Variants in TGM4 observed in about 807,000 individuals in gnomAD.
The protein encoded by TGM4 is transglutaminase 4.
In TGM4, 61 loss-of-function variants were observed where a neutral mutation model predicts 76.3. The observed-to-expected ratio is 0.80, with a 90% CI of 0.65 to 0.99. TGM4 has a LOEUF of 0.99. Among genes scored for constraint, TGM4 ranks in the 50% least tolerant of loss-of-function variants. The pLI, the probability that TGM4 is intolerant of heterozygous loss-of-function variation, is 0.00. For synonymous variants in TGM4, 337 were observed against 329.8 expected (o/e 1.02, Z -0.24); for missense variants, 794 against 843.2 (o/e 0.94, Z 0.72).
At chr3:44,899,193 G>C (rs1699820133) in intron 6 of TGM4, 1 of 152,236 alleles carries the variant, frequency 6.6e-6, no homozygotes, top group African/African-American at 2.4e-5. Flanking sequence ...TATGCGTGGT[G>C]GGGTTTGGGA....
intron 8 of TGM4, among the ~76,000 whole-genome samples, chr3:44,903,216 G>C (rs1699877672): frequency 1.3e-5 from 2 of 152,184 alleles, no homozygotes; most frequent in Non-Finnish European, 2.9e-5. Flanking sequence ...AGGGCCAACT[G>C]TAGGACTTGA....
At chr3:44,890,767 G>A (rs1368559416) in intron 4 of TGM4, 35 bp downstream of exon 4, 8 of 1,610,848 alleles carry the variant, frequency 5.0e-6, no homozygotes, top group Non-Finnish European at 6.8e-6. Context: ...GGGAATGGCA[G>A]GTGACCCCGG....
intron 1 of TGM4, among the ~76,000 whole-genome samples, chr3:44,884,964 T>C (rs968936479): frequency 2.0e-5 from 3 of 152,092 alleles, no homozygotes; most frequent in Non-Finnish European, 4.4e-5. Context: ...GAGGGGGAGT[T>C]GGGGTGGGAA....
In TGM4 at chr3:44,893,617, G is replaced by A. The variant is rs34772357; in HGVS notation, c.471G>A (p.Glu157=). 0.011 allele frequency: 17,504 copies of A among 1,613,792 alleles called. 189 individuals carry two copies. Among genetic ancestry groups the A allele is most frequent in the African/African-American group, 0.049 (3,651 of 74,972 alleles). ...VFMPDEDERK[E]YILNDTGCHY... is the part of the protein sequence containing the mutation. ...TGCCTGATGAGGACGAGCGCAAAGA[G>A]TACATCCTCAATGACACGGGCTGCC... Residue 157 remains glutamate, a synonymous_variant, in exon 5 of 14, where the codon GAG becomes GAA. Coordinates refer to ENST00000296125, the MANE Select transcript of TGM4 (RefSeq NM_003241.4).
chr3:44,892,351 CT>C (rs1014242756), intron 4 of TGM4, among the ~76,000 whole-genome samples: 40 of 144,480 alleles, frequency 2.8e-4, no homozygotes, highest in Admixed American at 1.3e-3. Context: ...AGTTTGGTCA[CT>C]TTTTTTTTAA....
chr3:44,884,678 A>G (rs978447593), intron 1 of TGM4, among the ~76,000 whole-genome samples: 5 of 152,140 alleles, frequency 3.3e-5, no homozygotes, highest in Non-Finnish European at 7.4e-5. Context: ...GCCTCAGATC[A>G]TGGGAGCTCC....
chr3:44,908,413 GT>G (rs138110500), intron 10 of TGM4, among the ~76,000 whole-genome samples: 1 of 149,862 alleles, frequency 6.7e-6, no homozygotes, highest in Admixed American at 6.6e-5. Context: ...TTTGTTTTTT[GT>G]TTTTTTTGCA....
intron 5 of TGM4, 32 bp downstream of exon 5, chr3:44,893,727 G>A (rs1699735945): frequency 6.3e-7 from 1 of 1,581,276 alleles, no homozygotes; most frequent in Non-Finnish European, 8.7e-7. Flanking sequence ...GCTGCACCAG[G>A]CCCCATCTGC....
Position 44,907,026 on chromosome 3 carries a change from G to A in TGM4, c.1153G>A (p.Val385Ile), listed in dbSNP as rs117597124. 1.1e-3 allele frequency: 1,724 copies of A among 1,614,162 alleles called. 53 individuals are homozygous for A. In the East Asian group the frequency reaches 0.035, roughly 33 times the overall value. ...CTTTATTGTCTATGACACCAGATTCGTCTTCTCAGAAGTGAATGGTGACAG... is the reference window on the plus strand; with the variant it reads ...CTTTATTGTCTATGACACCAGATTCATCTTCTCAGAAGTGAATGGTGACAG... The part of the protein sequence containing the change: ...DIFIVYDTRF[V>I]FSEVNGDRLI... Residue 385 changes from valine (V) to isoleucine (I), a missense_variant, in exon 10 of 14, where the codon GTC becomes ATC. Physicochemically the swap from Val to Ile is conservative, Grantham distance 29 (BLOSUM62 3). Coordinates refer to ENST00000296125, the MANE Select transcript of TGM4 (RefSeq NM_003241.4).
At chr3:44,890,278 C>A (rs1699671189) in intron 3 of TGM4, 1 of 229,044 alleles carries the variant, frequency 4.4e-6, no homozygotes, top group South Asian at 1.1e-4. Flanking sequence ...ATCTTCCCAA[C>A]AACCTGGAGA....
chr3:44,911,088 A>G lies in TGM4; in HGVS notation c.1737A>G (p.Glu579=), dbSNP rs1275722101. ...IVESKEIMAS[E]VFTSFQYPEF... is the part of the protein sequence containing the mutation. ...AGTCTAAGGAAATCATGGCCTCTGA[A>G]GTATTCACGTCTTTCCAGTACCCTG... The change falls in exon 12 of 14, where the codon GAA becomes GAG. Residue 579 remains glutamate (E), a synonymous_variant. Coordinates refer to ENST00000296125, the MANE Select transcript of TGM4 (RefSeq NM_003241.4). The G allele has an allele frequency of 9.9e-6, 16 of 1,614,084 alleles. No individual in the cohort carries two copies. In the African/African-American group the frequency reaches 1.9e-4, roughly 19 times the overall value.
At chr3:44,885,252 G>C in intron 1 of TGM4, 73 bp from the exon 2 acceptor site, 3 of 1,468,772 alleles carry the variant, frequency 2.0e-6, no homozygotes, top group African/African-American at 1.4e-5. Context: ...CTCAGATTTT[G>C]AACCCAGAAA....
rs1173122951 is a variant in TGM4, at chr3:44,911,752, G to C, written c.1913+346G>C. On this transcript the variant is annotated intron_variant, in intron 13 of 13. Transcript: ENST00000296125. ...CTGAGTCATTTATTTTTTCATATTG[G>C]TATGGTGTCTTTACACAGTAGAGTG... Among the ~76,000 whole-genome samples the C allele has an allele frequency of 1.1e-4, 16 of 152,084 alleles. No homozygotes were observed. The East Asian group carries it at 3.1e-3, about 29-fold the overall frequency.
intron 2 of TGM4, among the ~76,000 whole-genome samples, chr3:44,887,166 A>C (rs1699619125): frequency 6.6e-6 from 1 of 152,218 alleles, no homozygotes; most frequent in African/African-American, 2.4e-5. Flanking sequence ...ACTGAGGGCC[A>C]CCTGTGGGCT....
intron 9 of TGM4, among the ~76,000 whole-genome samples, chr3:44,904,802 C>T (rs539035979): frequency 3.3e-5 from 5 of 151,856 alleles, no homozygotes; most frequent in South Asian, 4.2e-4. Flanking sequence ...CTGTCTCAGT[C>T]TCCTGAGTAG....
intron 3 of TGM4, among the ~76,000 whole-genome samples, chr3:44,890,019 T>C (rs1575715992): frequency 2.0e-5 from 3 of 152,196 alleles, no homozygotes; most frequent in African/African-American, 7.2e-5. Context: ...TAGGCACATT[T>C]TACATGGTAG....
chr3:44,904,018 C>T, intron 9 of TGM4, 31 bp downstream of exon 9: 2 of 1,578,720 alleles, frequency 1.3e-6, no homozygotes, highest in Non-Finnish European at 1.7e-6. Flanking sequence ...CGCTGGGCAT[C>T]CATGCTGCTC....
chr3:44,883,856 T>C (rs77040521), intron 1 of TGM4, among the ~76,000 whole-genome samples: 2,979 of 152,342 alleles, frequency 0.02, 49 homozygotes, highest in Middle Eastern at 0.065. Context: ...TTTGTAGTCA[T>C]GAAAGCCCAG....
At chr3:44,892,552 G>T (rs1479116134) in intron 4 of TGM4, among the ~76,000 whole-genome samples, 2 of 151,774 alleles carry the variant, frequency 1.3e-5, no homozygotes, top group Non-Finnish European at 2.9e-5. Flanking sequence ...TGTATTTTTA[G>T]TAGAGACAGG....
Sources: gnomAD v4.1 joint callset for allele counts (sites outside exome capture counted in the v4.1 genomes callset) on GRCh38, gnomAD v4.1.1 for gene constraint, MANE v1.5 for transcripts, NCBI Gene and HGNC (gene_info 2026-07-23, HGNC 2026-07-21) for gene names.